ARFGAP1: variants seen among roughly 807,000 people sequenced by gnomAD.
The protein encoded by ARFGAP1 is ARF GTPase activating protein 1.
A neutral mutation model predicts 54.0 loss-of-function variants in ARFGAP1; 26 were observed. That is an observed-to-expected ratio of 0.48 (90% CI 0.35 to 0.67). The LOEUF (loss-of-function observed/expected upper bound fraction) is 0.67, where lower values mean the gene tolerates loss of function less well. Ranked by LOEUF, ARFGAP1 falls within the 30% of genes least tolerant of loss-of-function variation. The pLI is 0.00. For synonymous variants in ARFGAP1, 248 were observed against 211.9 expected (o/e 1.17, Z -1.48); for missense variants, 525 against 535.8 (o/e 0.98, Z 0.20).
chr20:63,274,863 A>T (rs1043508727), intron 1 of ARFGAP1, among the ~76,000 whole-genome samples: 1 of 152,208 alleles, frequency 6.6e-6, no homozygotes, highest in Admixed American at 6.5e-5. Context: ...AGAGACATCC[A>T]TAGGTTTTCT....
rs989762518 is a variant in ARFGAP1, at chr20:63,288,865, A to G, written c.*992A>G. The G allele has an allele frequency of 7.2e-6, 2 of 279,010 alleles. No homozygotes were observed. The highest frequency in any genetic ancestry group is 4.3e-5 in the African/African-American group (2 of 46,032). 17.3% of individuals were successfully genotyped at this position (279,010 alleles called of 1,614,324 possible). On this transcript the variant is annotated 3_prime_UTR_variant, in exon 13 of 13. Coordinates refer to ENST00000370283, the MANE Select transcript of ARFGAP1 (RefSeq NM_018209.4). ...GTGTGACCCTCAGTCTTGGCCAGCC[A>G]TGCATGCGCCCGAAGCTCGTGCAGT...
rs1265544930 is a variant in ARFGAP1 at position 63,289,033 on chromosome 20, C to G, written c.*1160C>G. ...CTTCAGCCCCTGTGCTCGTCCCACC[C>G]TAGGGACTCAGCCACTTGCAGAACA... On this transcript the variant is annotated 3_prime_UTR_variant, in exon 13 of 13. Transcript: ENST00000370283. The G allele has an allele frequency of 1.8e-5, 3 of 170,740 alleles. No individual in the cohort carries two copies. Among genetic ancestry groups the G allele is most frequent in the African/African-American group, 2.4e-5 (1 of 42,542 alleles). 10.6% of individuals were successfully genotyped at this position (170,740 alleles called of 1,614,324 possible).
Position 63,286,441 on chromosome 20 carries a change from A to AGGTATG in ARFGAP1, c.911_911+5dup. The stretch of plus-strand genomic sequence containing the variant: ...GGGGAAAGCAGAGGGCCCCTTGGAC[A>AGGTATG]GGTATGCTGTGTCCCCTCCTGGGCC... On this transcript the variant is annotated protein_altering_variant and splice_region_variant, in exon 12 of 13. Transcript: ENST00000370283. The AGGTATG allele has an allele frequency of 6.2e-7, 1 of 1,613,104 alleles. No homozygotes were observed. The highest frequency in any genetic ancestry group is 1.1e-5 in the South Asian group (1 of 91,032).
chr20:63,286,579 G>C lies in ARFGAP1; in HGVS notation c.911+137G>C. 4 of 856,268 alleles carry C rather than the reference G, an allele frequency of 4.7e-6. No individual in the cohort carries two copies. In the South Asian group the frequency reaches 5.2e-5, roughly 11 times the overall value. The allele number at this position is 856,268 out of a possible 1,614,324, so 53.0% of individuals were successfully genotyped here. ...GTGGAGGCTCTCCGGGAGGTGGCTG[G>C]CATCCTTGCTGGGGAGGGGGCACTG... On this transcript the variant is annotated intron_variant, in intron 12 of 12. Transcript: ENST00000370283.
At chr20:63,281,909 C>A (rs1051017358) in intron 8 of ARFGAP1, among the ~76,000 whole-genome samples, 18 of 152,098 alleles carry the variant, frequency 1.2e-4, no homozygotes, top group African/African-American at 2.9e-4. Context: ...CAGGGCAGCG[C>A]GGGGCAGCTG....
intron 9 of ARFGAP1, chr20:63,284,317 G>C: frequency 9.2e-7 from 1 of 1,085,684 alleles, no homozygotes; most frequent in Non-Finnish European, 1.1e-6. Flanking sequence ...GATCCGTGCT[G>C]CTCCCTGCCT....
chr20:63,282,098 G>A (rs1003373117), intron 8 of ARFGAP1, among the ~76,000 whole-genome samples: 3 of 152,108 alleles, frequency 2.0e-5, no homozygotes, highest in South Asian at 2.1e-4. Flanking sequence ...GTCTTCCCCC[G>A]TCACAGCGCG....
chr20:63,280,916 G>A (rs1164040060), intron 7 of ARFGAP1, among the ~76,000 whole-genome samples: 6 of 152,342 alleles, frequency 3.9e-5, no homozygotes, highest in South Asian at 2.1e-4. Context: ...AGCAGGTTAC[G>A]CTGGTCGTGA....
intron 12 of ARFGAP1, among the ~76,000 whole-genome samples, 174 bp downstream of exon 12, chr20:63,286,616 C>G (rs547130548): frequency 2.6e-5 from 4 of 152,042 alleles, no homozygotes; most frequent in African/African-American, 9.7e-5. Context: ...GGAGCCTCTC[C>G]GGGAGGTGGC....
rs767913835 is a variant in ARFGAP1 at position 63,287,735 on chromosome 20, G to A, written c.1083G>A (p.Ser361=). The A allele has an allele frequency of 5.0e-6, 8 of 1,610,918 alleles. No homozygotes were observed. Among genetic ancestry groups the A allele is most frequent in the East Asian group, 2.2e-5 (1 of 44,816 alleles). ...CADTSTERRS[S]DSWEVWGSAS... is the part of the protein sequence containing the mutation. ...ACACCTCCACCGAGAGGAGGAGCTC[G>A]GACAGCTGGGAGGTGTGGGGCTCGG... Residue 361 remains serine, a synonymous_variant, in exon 13 of 13, where the codon TCG becomes TCA. Coordinates refer to ENST00000370283, the MANE Select transcript of ARFGAP1 (RefSeq NM_018209.4).
chr20:63,273,735 G>T (rs1056400231), intron 1 of ARFGAP1, among the ~76,000 whole-genome samples: 3 of 152,164 alleles, frequency 2.0e-5, no homozygotes, highest in African/African-American at 7.2e-5. Flanking sequence ...GCCTGTGTCT[G>T]TTGACCAATA....
At position 63,276,459 on chromosome 20, in the gene ARFGAP1, G is replaced by A. The variant is rs1024923756; in HGVS notation, c.171-21G>A. The A allele has an allele frequency of 6.2e-7, 1 of 1,600,660 alleles. No homozygotes were observed. The highest frequency in any genetic ancestry group is 8.5e-7 in the Non-Finnish European group (1 of 1,172,472). On this transcript the variant is annotated intron_variant, in intron 3 of 12. Coordinates refer to ENST00000370283, the MANE Select transcript of ARFGAP1 (RefSeq NM_018209.4). The surrounding 1 kb of genome is among the most constrained non-coding windows in gnomAD (Gnocchi z 5.2). ...GGGTGTCCCCGGTGCTGGTTGATCT[G>A]CTCGATCCTCTGCTTTCCAGCTTTG...
rs2067248870 is a variant in ARFGAP1 at position 63,276,856 on chromosome 20, TC to T, written c.342+209del. 8.6e-6 allele frequency: 5 copies of T among 579,298 alleles called. No individual in the cohort carries two copies. In the East Asian group the frequency reaches 1.4e-4, roughly 17 times the overall value. The allele number at this position is 579,298 out of a possible 1,614,324, so 35.9% of individuals were successfully genotyped here. ...ATGGCTTGCGGGGGGAGACAGACCT[TC>T]CCCGCCTCCAGGGGAGAAAGCAGCT... On this transcript the variant is annotated intron_variant, in intron 4 of 12. Coordinates refer to ENST00000370283, the MANE Select transcript of ARFGAP1 (RefSeq NM_018209.4). This position sits in a 1 kb window ranked among gnomAD's most constrained non-coding sequence, Gnocchi z 5.2.
intron 1 of ARFGAP1, chr20:63,273,273 C>T (rs4809517): frequency 0.061 from 9,249 of 152,218 alleles, 368 homozygotes; most frequent in Middle Eastern, 0.11. Flanking sequence ...ACGCACGTCG[C>T]CTCCCGGGGC....
chr20:63,284,533 G>C (rs2123295595), intron 9 of ARFGAP1: 2 of 1,193,204 alleles, frequency 1.7e-6, no homozygotes, highest in Non-Finnish European at 2.1e-6. Flanking sequence ...GGTGGCTGCA[G>C]CCGGCGTTGG....
At chr20:63,286,858 C>T (rs1321661551) in intron 12 of ARFGAP1, 2 of 197,652 alleles carry the variant, frequency 1.0e-5, no homozygotes, top group Non-Finnish European at 1.0e-5. Context: ...TGGAGCAGGT[C>T]GGGGGCCAGG....
chr20:63,281,900 AGGGCAGCGCG>A (rs748832410), intron 8 of ARFGAP1, among the ~76,000 whole-genome samples: 6 of 152,078 alleles, frequency 3.9e-5, no homozygotes, highest in Non-Finnish European at 7.4e-5. Context: ...AGCCCAGAGC[AGGGCAGCGCG>A]GGGCAGCTGG....
rs978317601 is a variant in ARFGAP1, at chr20:63,276,279, G to A, written c.170+79G>A. 4.6e-6 allele frequency: 7 copies of A among 1,526,394 alleles called. No individual in the cohort carries two copies. The highest frequency in any genetic ancestry group is 4.1e-5 in the African/African-American group (3 of 73,008). 94.6% of individuals were successfully genotyped at this position (1,526,394 alleles called of 1,614,324 possible). A position where few individuals can be genotyped will look rare whatever the true frequency, so the allele number is the denominator to read the frequency against. On this transcript the variant is annotated intron_variant, in intron 3 of 12. Coordinates refer to ENST00000370283, the MANE Select transcript of ARFGAP1 (RefSeq NM_018209.4). The surrounding 1 kb of genome is among the most constrained non-coding windows in gnomAD (Gnocchi z 5.2). ...TGTTCCTGACACCAGAGGTGCTGAC[G>A]CCAGGGAAGCTTGGGGGCCACCTCC... is the stretch of plus-strand genomic sequence containing the variant.
rs765445090 is a variant in ARFGAP1, at chr20:63,284,891, A to T, written c.743A>T (p.Asn248Ile). 1 of 1,613,142 alleles carries T rather than the reference A, an allele frequency of 6.2e-7. No individual in the cohort carries two copies. Among genetic ancestry groups the T allele is most frequent in the Non-Finnish European group, 8.5e-7 (1 of 1,179,926 alleles). Residue 248 changes from asparagine to isoleucine, a missense_variant, in exon 10 of 13, where the codon AAC becomes ATC. This residue lies in a region of ARFGAP1 where 466 missense variants were observed against 453.6 expected (regional missense o/e 1.03). Transcript: ENST00000370283. ...QKASELGHSL[N>I]ENVLKPAQEK... is the part of the protein sequence containing the mutation. ...GCGTCCGAGCTGGGCCACAGCCTGA[A>T]CGAGAACGTCCTCAAGCCTGCGCAG...
Sources: allele counts gnomAD v4.1 joint callset (sites outside exome capture counted in the v4.1 genomes callset), GRCh38; gene constraint gnomAD v4.1.1; regional missense constraint gnomAD v4.1.1; non-coding constraint Gnocchi (gnomAD v3.1); transcripts MANE v1.5; gene names NCBI Gene and HGNC (gene_info 2026-07-23, HGNC 2026-07-21).